Variants in UCHL3 observed in about 807,000 individuals in gnomAD.
The protein encoded by UCHL3 is ubiquitin carboxyl-terminal hydrolase isozyme L3.
UCHL3 carries 22 observed loss-of-function variants against 35.8 expected under a neutral mutation model. The ratio of observed to expected loss-of-function variants is 0.61; its 90% confidence interval spans 0.44 to 0.88. The LOEUF (loss-of-function observed/expected upper bound fraction) is 0.88. Ranked by LOEUF, UCHL3 falls within the 40% of genes least tolerant of loss-of-function variation. The pLI is 0.00. For missense variants in UCHL3, 229 were observed against 276.9 expected (o/e 0.83, Z 1.23); for synonymous variants, 90 against 92.8 (o/e 0.97, Z 0.17).
intron 6 of UCHL3, among the ~76,000 whole-genome samples, chr13:75,578,400 A>G (rs566030105): frequency 2.0e-5 from 3 of 152,218 alleles, no homozygotes; most frequent in African/African-American, 4.8e-5. Context: ...TATTTTTATG[A>G]TTCTTGTTAA....
chr13:75,583,246 T>C (rs768599459), intron 6 of UCHL3, among the ~76,000 whole-genome samples: 10 of 152,346 alleles, frequency 6.6e-5, no homozygotes, highest in Admixed American at 2.0e-4. Context: ...TATATTGATA[T>C]GCTATCCTAT....
At chr13:75,571,981 T>C (rs1201888953) in intron 6 of UCHL3, among the ~76,000 whole-genome samples, 6 of 109,172 alleles carry the variant, frequency 5.5e-5, no homozygotes, top group African/African-American at 2.0e-4. Flanking sequence ...TAACCCTGTC[T>C]TGTCTTGTCT....
At chr13:75,593,043 G>A (rs2032554541) in intron 6 of UCHL3, among the ~76,000 whole-genome samples, 1 of 151,978 alleles carries the variant, frequency 6.6e-6, no homozygotes, top group Non-Finnish European at 1.5e-5. Context: ...TGTATTTACT[G>A]GCACAATATA....
At chr13:75,584,284 G>C (rs1418807236) in intron 6 of UCHL3, among the ~76,000 whole-genome samples, 1 of 152,086 alleles carries the variant, frequency 6.6e-6, no homozygotes, top group African/African-American at 2.4e-5. Flanking sequence ...CAAATGTGTG[G>C]GGATGGGTCA....
At chr13:75,566,937 T>C in intron 4 of UCHL3, 86 bp downstream of exon 4, 3 of 1,408,192 alleles carry the variant, frequency 2.1e-6, no homozygotes, top group Non-Finnish European at 2.9e-6. Context: ...TAATTCTTTC[T>C]TCAAACTATA....
intron 6 of UCHL3, among the ~76,000 whole-genome samples, chr13:75,594,169 G>C (rs1380795123): frequency 6.6e-6 from 1 of 152,224 alleles, no homozygotes; most frequent in Non-Finnish European, 1.5e-5. Flanking sequence ...TAGAAATGTA[G>C]ATATTGCTCA....
chr13:75,600,793 A>G (rs751683064), intron 7 of UCHL3, among the ~76,000 whole-genome samples: 1 of 152,194 alleles, frequency 6.6e-6, no homozygotes, highest in African/African-American at 2.4e-5. Context: ...ATTTCTTGTT[A>G]TTTAAGAAAT....
At chr13:75,588,568 C>T (rs868174603) in intron 6 of UCHL3, among the ~76,000 whole-genome samples, 1 of 151,938 alleles carries the variant, frequency 6.6e-6, no homozygotes. Context: ...TATTATGAGC[C>T]GCTAAAATGT....
intron 3 of UCHL3, among the ~76,000 whole-genome samples, chr13:75,562,724 T>C (rs535752607): frequency 1.3e-5 from 2 of 152,288 alleles, no homozygotes; most frequent in South Asian, 4.1e-4. Flanking sequence ...TCCTTATCAA[T>C]AGGATTTAAT....
intron 6 of UCHL3, among the ~76,000 whole-genome samples, chr13:75,587,017 CAAAAAA>C: frequency 1.0e-5 from 1 of 98,978 alleles, no homozygotes; most frequent in African/African-American, 4.0e-5. Flanking sequence ...CTTAAGGTAG[CAAAAAA>C]AAAAAAAAAA....
chr13:75,560,574 T>C (rs1025365525), intron 2 of UCHL3, among the ~76,000 whole-genome samples, 179 bp from the exon 3 acceptor site: 3 of 152,222 alleles, frequency 2.0e-5, no homozygotes, highest in Non-Finnish European at 4.4e-5. Flanking sequence ...TTTTGATATG[T>C]GCTGCTTTAC....
chr13:75,560,725 T>G, intron 2 of UCHL3, 28 bp from the exon 3 acceptor site: 2 of 1,521,650 alleles, frequency 1.3e-6, no homozygotes, highest in South Asian at 2.5e-5. Context: ...TGTTCCATTG[T>G]TTTTTTTTTC....
chr13:75,567,073 G>T (rs1469345648), intron 4 of UCHL3, among the ~76,000 whole-genome samples, 154 bp from the exon 5 acceptor site: 2 of 152,132 alleles, frequency 1.3e-5, no homozygotes, highest in Non-Finnish European at 2.9e-5. Context: ...TATTAATAAT[G>T]TAAGGCTTAT....
chr13:75,562,840 A>G (rs9543977), intron 3 of UCHL3, among the ~76,000 whole-genome samples: 14,742 of 152,246 alleles, frequency 0.097, 1,023 homozygotes, highest in Middle Eastern at 0.26. Flanking sequence ...AAAATGATGT[A>G]AGTAAATATA....
At chr13:75,585,714 A>C (rs2032304399) in intron 6 of UCHL3, among the ~76,000 whole-genome samples, 1 of 152,132 alleles carries the variant, frequency 6.6e-6, no homozygotes, top group African/African-American at 2.4e-5. Flanking sequence ...GCACATATAA[A>C]AATAAAATAA....
At chr13:75,592,457 T>TATAC (rs2032533195) in intron 6 of UCHL3, among the ~76,000 whole-genome samples, 1 of 106,630 alleles carries the variant, frequency 9.4e-6, no homozygotes, top group Non-Finnish European at 2.1e-5. Flanking sequence ...TATATATATA[T>TATAC]ATATATATAT....
chr13:75,564,219 C>G (rs552591802), intron 3 of UCHL3, among the ~76,000 whole-genome samples: 1 of 151,338 alleles, frequency 6.6e-6, no homozygotes, highest in Non-Finnish European at 1.5e-5. Context: ...GGTGCGATCT[C>G]GGCTCACTGC....
At chr13:75,561,295 A>G (rs531821035) in intron 3 of UCHL3, among the ~76,000 whole-genome samples, 19 of 152,324 alleles carry the variant, frequency 1.2e-4, no homozygotes, top group Admixed American at 5.2e-4. Flanking sequence ...TTTAAGAACA[A>G]ATGATCCCCT....
intron 2 of UCHL3, among the ~76,000 whole-genome samples, chr13:75,551,981 A>G (rs1361500184): frequency 6.6e-6 from 1 of 152,240 alleles, no homozygotes; most frequent in Non-Finnish European, 1.5e-5. Context: ...ACAATAAGAA[A>G]AAGAACATAG....
Sources: allele counts gnomAD v4.1 joint callset (sites outside exome capture counted in the v4.1 genomes callset), GRCh38; gene constraint gnomAD v4.1.1; transcripts MANE v1.5; gene names NCBI Gene and HGNC (gene_info 2026-07-23, HGNC 2026-07-21).